The following NOX4 variants were observed in gnomAD, a reference collection of about 807,000 sequenced individuals.
The protein encoded by NOX4 is kidney oxidase-1.
In NOX4, 69 loss-of-function variants were observed where a neutral mutation model predicts 87.6. The ratio of observed to expected loss-of-function variants is 0.79; its 90% CI spans 0.65 to 0.96. NOX4 has a LOEUF of 0.96. Ranked by LOEUF, NOX4 falls within the 40% of genes least tolerant of loss-of-function variation. The probability of loss-of-function intolerance (pLI) is 0.00; values close to 1 mark genes in which losing one functional copy is unlikely to be tolerated. For synonymous variants in NOX4, 275 were observed against 238.2 expected (o/e 1.15, Z -1.42); for missense variants, 680 against 681.5 (o/e 1.00, Z 0.02).
Position 89,490,494 on chromosome 11 carries a change from T to C in NOX4, c.117A>G (p.Gln39=). The change falls in exon 2 of 18, where the codon CAA becomes CAG. Residue 39 remains glutamine (Q), a synonymous_variant. Transcript: ENST00000263317. ...GGTGGAGGTAGTGATACTCTGGCCCTTGGTTATACAGCAAGAAGGTTTTCC... is the reference window on the plus strand; with the variant it reads ...GGTGGAGGTAGTGATACTCTGGCCCCTGGTTATACAGCAAGAAGGTTTTCC... ...LFWKTFLLYN[Q]GPEYHYLHQM... 1 of 1,614,050 alleles carries C rather than the reference T, an allele frequency of 6.2e-7. No individual in the cohort carries two copies. Among genetic ancestry groups the C allele is most frequent in the Non-Finnish European group, 8.5e-7 (1 of 1,179,912 alleles).
At chr11:89,352,619 G>A (rs1937642490) in intron 13 of NOX4, among the ~76,000 whole-genome samples, 1 of 152,088 alleles carries the variant, frequency 6.6e-6, no homozygotes, top group African/African-American at 2.4e-5. Context: ...GAGCCCTCAT[G>A]GATAACTTTC....
intron 12 of NOX4, among the ~76,000 whole-genome samples, chr11:89,371,817 T>C (rs540453275): frequency 6.1e-4 from 93 of 152,034 alleles, no homozygotes; most frequent in Non-Finnish European, 9.4e-4. Flanking sequence ...AAATTATCCA[T>C]GTAAGCCTGG....
intron 5 of NOX4, among the ~76,000 whole-genome samples, chr11:89,441,040 A>G (rs561632602): frequency 2.6e-5 from 4 of 152,182 alleles, no homozygotes; most frequent in Non-Finnish European, 4.4e-5. Context: ...TTGAAACTCA[A>G]TATCTTAGCC....
At chr11:89,353,410 C>A (rs1401284082) in intron 13 of NOX4, among the ~76,000 whole-genome samples, 2 of 152,068 alleles carry the variant, frequency 1.3e-5, no homozygotes, top group African/African-American at 4.8e-5. Flanking sequence ...AGATCCTCTA[C>A]CAGCAAAAAG....
chr11:89,374,418 A>C (rs1939680027), intron 11 of NOX4, among the ~76,000 whole-genome samples: 1 of 152,164 alleles, frequency 6.6e-6, no homozygotes, highest in South Asian at 2.1e-4. Flanking sequence ...GAATTCTAAA[A>C]ATGCATCTAA....
At position 89,342,159 on chromosome 11, in the gene NOX4, C is replaced by T; in HGVS notation, c.1252G>A (p.Glu418Lys). Reference protein sequence around the residue: ...YIDGPFGSPFEESLNYEVSLC... With the variant: ...YIDGPFGSPFKESLNYEVSLC... ...CTGACCTCATAGTTCAGTGATTCCT[C>T]AAATGGACTTCCAAAAGGACCATCA... The change falls in exon 14 of 18, where the codon GAG becomes AAG. Residue 418 changes from glutamate to lysine, a missense_variant. Transcript: ENST00000263317. The T allele has an allele frequency of 6.2e-7, 1 of 1,612,732 alleles. No homozygotes were observed. Among genetic ancestry groups the T allele is most frequent in the Non-Finnish European group, 8.5e-7 (1 of 1,178,952 alleles).
chr11:89,326,286 TG>T lies in NOX4; in HGVS notation c.*469del, dbSNP rs1945217983. ...TGTGTTTTCAAACATCTAATATATTTGCCTGGAGTGCTTGCAAATTAAAGCT... is the reference window on the plus strand; with the variant it reads ...TGTGTTTTCAAACATCTAATATATTTCCTGGAGTGCTTGCAAATTAAAGCT... On this transcript the variant is annotated 3_prime_UTR_variant, in exon 18 of 18. Coordinates refer to ENST00000263317, the MANE Select transcript of NOX4 (RefSeq NM_016931.5). 6.5e-6 allele frequency: 1 copy of T among 152,952 alleles called. No individual in the cohort carries two copies. Among genetic ancestry groups the T allele is most frequent in the African/African-American group, 2.4e-5 (1 of 41,458 alleles). The allele number at this position is 152,952 out of a possible 1,614,324, so 9.5% of individuals were successfully genotyped here. A position where few individuals can be genotyped will look rare whatever the true frequency, so the allele number is the denominator to read the frequency against.
chr11:89,495,839 A>G (rs1428500236), upstream of NOX4, among the ~76,000 whole-genome samples: 3 of 152,292 alleles, frequency 2.0e-5, no homozygotes, highest in East Asian at 5.8e-4. Context: ...ATAGTTTACC[A>G]TTTTTGTTAT....
chr11:89,446,709 G>A (rs770493358), intron 4 of NOX4, among the ~76,000 whole-genome samples: 8 of 152,100 alleles, frequency 5.3e-5, no homozygotes, highest in South Asian at 2.1e-4. Context: ...GTGGTCTGGC[G>A]TTAGTGGGAA....
rs182694023 is a variant in NOX4 at position 89,419,240 on chromosome 11, T to C, written c.629+2662A>G. Among the ~76,000 whole-genome samples, 516 of 152,152 alleles carry C rather than the reference T, an allele frequency of 3.4e-3. 15 individuals are homozygous for C. The highest frequency in any genetic ancestry group is 0.025 in the Admixed American group (376 of 15,252). ...TGATTTTCTGTTCAGACCTAAAGCA[T>C]ACTGTTGAACAGAAATTTCAATATA... On this transcript the variant is annotated intron_variant, in intron 8 of 17. Transcript: ENST00000263317.
intron 2 of NOX4, among the ~76,000 whole-genome samples, chr11:89,470,137 G>A (rs1945867431): frequency 6.6e-6 from 1 of 151,998 alleles, no homozygotes; most frequent in African/African-American, 2.4e-5. Flanking sequence ...TATATATTAA[G>A]TGAGCATATA....
At chr11:89,375,807 CAT>C (rs765561046) in intron 11 of NOX4, among the ~76,000 whole-genome samples, 7 of 152,196 alleles carry the variant, frequency 4.6e-5, no homozygotes, top group Admixed American at 2.0e-4. Context: ...CGATTGTCCA[CAT>C]GTCACTGGAT....
intron 8 of NOX4, among the ~76,000 whole-genome samples, chr11:89,406,267 C>T (rs941588919): frequency 6.6e-6 from 1 of 152,024 alleles, no homozygotes; most frequent in Non-Finnish European, 1.5e-5. Flanking sequence ...GATATTATCT[C>T]CCTAATCCAT....
At chr11:89,482,929 T>C (rs1003227478) in intron 2 of NOX4, among the ~76,000 whole-genome samples, 8 of 152,010 alleles carry the variant, frequency 5.3e-5, no homozygotes, top group Non-Finnish European at 2.9e-5. Flanking sequence ...AGCAGAGTGA[T>C]TGAGAGCATG....
At chr11:89,581,689 T>A in the NOX4 span, among the ~76,000 whole-genome samples, 105 of 152,202 alleles carry the variant, frequency 6.9e-4, no homozygotes, top group Admixed American at 4.9e-3. Context: ...CTGCTTTTTT[T>A]AAAAAATACC....
intron 13 of NOX4, among the ~76,000 whole-genome samples, chr11:89,345,150 A>G (rs1261802158): frequency 2.0e-5 from 3 of 152,170 alleles, no homozygotes; most frequent in Non-Finnish European, 4.4e-5. Context: ...AATTTCCTGT[A>G]GGGCTTCTTA....
At chr11:89,443,966 G>A in intron 5 of NOX4, 169 bp downstream of exon 5, 1 of 583,536 alleles carries the variant, frequency 1.7e-6, no homozygotes, top group Non-Finnish European at 3.1e-6. Flanking sequence ...CTATGAAATA[G>A]TAATTACTTA....
chr11:89,373,141 AC>A (rs1159890055), intron 12 of NOX4, among the ~76,000 whole-genome samples: 2 of 151,704 alleles, frequency 1.3e-5, no homozygotes, highest in East Asian at 3.9e-4. Context: ...TTGCCAGCAC[AC>A]CTGACAAGTA....
chr11:89,490,498 T>G lies in NOX4; in HGVS notation c.113A>C (p.Asn38Thr), dbSNP rs766132995. 12 of 1,614,028 alleles carry G rather than the reference T, an allele frequency of 7.4e-6. No individual in the cohort carries two copies. The highest frequency in any genetic ancestry group is 7.6e-6 in the Non-Finnish European group (9 of 1,179,912). Residue 38 changes from asparagine to threonine, a missense_variant, in exon 2 of 18, where the codon AAC becomes ACC. Transcript: ENST00000263317. ...GAGGTAGTGATACTCTGGCCCTTGGTTATACAGCAAGAAGGTTTTCCAGAA... is the reference window on the plus strand; with the variant it reads ...GAGGTAGTGATACTCTGGCCCTTGGGTATACAGCAAGAAGGTTTTCCAGAA... ...LLFWKTFLLY[N>T]QGPEYHYLHQ...
Sources: gnomAD v4.1 joint callset for allele counts (sites outside exome capture counted in the v4.1 genomes callset) on GRCh38, gnomAD v4.1.1 for gene constraint, MANE v1.5 for transcripts, NCBI Gene and HGNC (gene_info 2026-07-23, HGNC 2026-07-21) for gene names.